ZMYM5: variants seen among roughly 807,000 people sequenced by gnomAD.
ZMYM5 encodes the protein zinc finger MYM-type containing 5.
ZMYM5 carries 41 observed loss-of-function variants against 61.8 expected under a neutral mutation model. The ratio of observed to expected loss-of-function variants is 0.66; its 90% CI spans 0.52 to 0.86. The LOEUF is 0.86. Among genes scored for constraint, ZMYM5 ranks in the 40% least tolerant of loss-of-function variants. The probability of loss-of-function intolerance (pLI) is 0.00; values close to 1 mark genes in which losing one functional copy is unlikely to be tolerated. For missense variants in ZMYM5, 706 were observed against 786.7 expected (o/e 0.90, Z 1.23); for synonymous variants, 257 against 276.4 (o/e 0.93, Z 0.70).
intron 2 of ZMYM5, among the ~76,000 whole-genome samples, chr13:19,860,664 C>T (rs908137860): frequency 6.6e-6 from 1 of 151,784 alleles, no homozygotes; most frequent in Non-Finnish European, 1.5e-5. Context: ...TCTCGAACTT[C>T]TGACCTCAGG....
chr13:19,851,727 C>G lies in ZMYM5; in HGVS notation c.454G>C (p.Asp152His). 1 of 1,582,412 alleles carries G rather than the reference C, an allele frequency of 6.3e-7. No homozygotes were observed. The highest frequency in any genetic ancestry group is 8.5e-7 in the Non-Finnish European group (1 of 1,170,822). Reference protein sequence around the residue: ...GLPGTKNKTNDLDFSTSSLSR... With the variant: ...GLPGTKNKTNHLDFSTSSLSR... ...AGACTGGAAGTGGAGAAATCCAAAT[C>G]GTTGGTTTTGTTTTTAGTTCCAGGA... The change falls in exon 3 of 8, where the codon GAT becomes CAT. Residue 152 changes from aspartate (D) to histidine (H), a missense_variant. This residue lies in a region of ZMYM5 where 480 missense variants were observed against 461.7 expected (regional missense o/e 1.04). Transcript: ENST00000337963.
At chr13:19,829,137 C>T (rs1891075949) in intron 7 of ZMYM5, among the ~76,000 whole-genome samples, 1 of 152,058 alleles carries the variant, frequency 6.6e-6, no homozygotes, top group Non-Finnish European at 1.5e-5. Flanking sequence ...AAACCAGATA[C>T]ATTTAGTATA....
intron 7 of ZMYM5, among the ~76,000 whole-genome samples, chr13:19,834,436 A>AC (rs1952615779): frequency 6.6e-6 from 1 of 151,986 alleles, no homozygotes; most frequent in Non-Finnish European, 1.5e-5. Context: ...TAGACAAAAC[A>AC]GACAACTACC....
chr13:19,854,814 C>T (rs192548981), intron 2 of ZMYM5, among the ~76,000 whole-genome samples: 2 of 152,154 alleles, frequency 1.3e-5, no homozygotes, highest in East Asian at 1.9e-4. Context: ...AGATAAGTAA[C>T]CTGCCTAACT....
At chr13:19,828,940 G>T (rs557866844) in intron 7 of ZMYM5, among the ~76,000 whole-genome samples, 39 of 152,034 alleles carry the variant, frequency 2.6e-4, no homozygotes, top group African/African-American at 9.4e-4. Context: ...GAGTATAATG[G>T]AGCTGAAAAA....
At chr13:19,848,996 T>C (rs921339681) in intron 4 of ZMYM5, among the ~76,000 whole-genome samples, 2 of 151,886 alleles carry the variant, frequency 1.3e-5, no homozygotes, top group South Asian at 2.1e-4. Flanking sequence ...AAGTACCCTA[T>C]GGAAAAAATA....
At chr13:19,854,199 G>A (rs1012465985) in intron 2 of ZMYM5, among the ~76,000 whole-genome samples, 17 of 152,130 alleles carry the variant, frequency 1.1e-4, no homozygotes, top group Admixed American at 7.9e-4. Context: ...TAGTAGATAC[G>A]GGGTTTCACC....
rs568928054 is a variant in ZMYM5 at position 19,842,655 on chromosome 13, T to TA, written c.587-3671dup. Among the ~76,000 whole-genome samples, 588 of 133,704 alleles carry TA rather than the reference T, an allele frequency of 4.4e-3. 4 individuals are homozygous for TA. The highest frequency in any genetic ancestry group is 0.013 in the African/African-American group (461 of 36,472). The allele number at this position is 133,704 out of a possible 152,430, so 87.7% of individuals were successfully genotyped here. The stretch of plus-strand genomic sequence containing the variant: ...ATGACTTAAGCTTTTTTTTTTTAAT[T>TA]AAAAAAAAAAAAAAGGTTTCTTGGC... On this transcript the variant is annotated intron_variant, in intron 4 of 7. Transcript: ENST00000337963.
Position 19,852,832 on chromosome 13 carries a change from T to C in ZMYM5, c.-10-642A>G, listed in dbSNP as rs182315098. ...TTCCACATAACACTGGGAGTAAGAC[T>C]TAAACTCAGGGCTCTAAAAATTCGT... On this transcript the variant is annotated intron_variant, in intron 2 of 7. Transcript: ENST00000337963. Among the ~76,000 whole-genome samples the C allele has an allele frequency of 2.0e-5, 3 of 152,332 alleles. No individual in the cohort carries two copies. The East Asian group carries it at 5.8e-4, about 29-fold the overall frequency.
chr13:19,859,488 C>T lies in ZMYM5; in HGVS notation c.-11+2911G>A, dbSNP rs936506026. Among the ~76,000 whole-genome samples the T allele has an allele frequency of 7.2e-5, 11 of 152,170 alleles. No individual in the cohort carries two copies. The South Asian group carries it at 2.1e-3, about 29-fold the overall frequency. On this transcript the variant is annotated intron_variant, in intron 2 of 7. Transcript: ENST00000337963. The stretch of plus-strand genomic sequence containing the variant: ...CGCGATCTTGGCTCACTGCAAGCTC[C>T]ACCTCCCAGGTTCACGCCATCCTCC...
At chr13:19,833,915 G>A (rs1383644574) in intron 7 of ZMYM5, among the ~76,000 whole-genome samples, 2 of 152,182 alleles carry the variant, frequency 1.3e-5, no homozygotes, top group East Asian at 3.8e-4. Context: ...TGAGGTGGGA[G>A]TACTGCTTGA....
intron 3 of ZMYM5, 115 bp downstream of exon 3, chr13:19,851,574 C>T: frequency 6.5e-7 from 1 of 1,539,052 alleles, no homozygotes; most frequent in South Asian, 1.2e-5. Context: ...ATTATGTTCA[C>T]ATCTTGCCCA....
intron 4 of ZMYM5, among the ~76,000 whole-genome samples, chr13:19,841,497 T>C (rs1406229807): frequency 6.6e-6 from 1 of 151,490 alleles, no homozygotes; most frequent in East Asian, 1.9e-4. Context: ...CATTTGTTAT[T>C]TGTAGCTCTT....
chr13:19,842,516 G>A (rs185173030), intron 4 of ZMYM5, among the ~76,000 whole-genome samples: 4 of 152,092 alleles, frequency 2.6e-5, no homozygotes, highest in Admixed American at 2.0e-4. Flanking sequence ...AATGCTGACA[G>A]CAAGTAAAAA....
intron 2 of ZMYM5, among the ~76,000 whole-genome samples, chr13:19,860,786 A>G (rs1953718151): frequency 6.6e-6 from 1 of 152,002 alleles, no homozygotes; most frequent in Non-Finnish European, 1.5e-5. Flanking sequence ...GCTTAGTGGC[A>G]AAAAGGAAAA....
chr13:19,831,000 C>T (rs924801819), intron 7 of ZMYM5, among the ~76,000 whole-genome samples: 10 of 151,804 alleles, frequency 6.6e-5, no homozygotes, highest in East Asian at 3.9e-4. Context: ...CCACCACGCC[C>T]GGCTAATTTT....
At chr13:19,837,865 T>C (rs1228631365) in intron 5 of ZMYM5, 44 bp from the exon 6 acceptor site, 5 of 1,546,882 alleles carry the variant, frequency 3.2e-6, no homozygotes, top group African/African-American at 1.4e-5. Flanking sequence ...ACACTGAATT[T>C]TAATACAAGT....
chr13:19,848,978 T>A (rs765462208), intron 4 of ZMYM5, among the ~76,000 whole-genome samples: 3 of 152,018 alleles, frequency 2.0e-5, no homozygotes, highest in Admixed American at 1.3e-4. Flanking sequence ...ACCAAAAAAA[T>A]TGAGAATAAG....
At position 19,824,460 on chromosome 13, in the gene ZMYM5, A is replaced by G; in HGVS notation, c.*17T>C. On this transcript the variant is annotated 3_prime_UTR_variant, in exon 8 of 8. Coordinates refer to ENST00000337963, the MANE Select transcript of ZMYM5 (RefSeq NM_001142684.2). ...TGTAAGATTCTGATCATCATGCCAAAAAACAACTCAGGTATATTACGTGTA... is the reference window on the plus strand; with the variant it reads ...TGTAAGATTCTGATCATCATGCCAAGAAACAACTCAGGTATATTACGTGTA... 7.8e-7 allele frequency: 1 copy of G among 1,275,436 alleles called. No homozygotes were observed. The highest frequency in any genetic ancestry group is 1.0e-6 in the Non-Finnish European group (1 of 984,812). The allele number at this position is 1,275,436 out of a possible 1,614,324, so 79.0% of individuals were successfully genotyped here.
Sources: gnomAD v4.1 joint callset for allele counts (sites outside exome capture counted in the v4.1 genomes callset) on GRCh38, gnomAD v4.1.1 for gene constraint, gnomAD v4.1.1 regional missense constraint, MANE v1.5 for transcripts, NCBI Gene and HGNC (gene_info 2026-07-23, HGNC 2026-07-21) for gene names.